Variants in KCNQ1OT1 observed in about 807,000 individuals in gnomAD.
KCNQ1OT1 encodes the protein KCNQ1 antisense RNA 2 (non-protein coding).
In KCNQ1OT1 at chr11:2,626,401, A is replaced by G; in HGVS notation, n.73594T>C. ...ACTTTCCCTATTGAATGGTCTTGGC[A>G]CTCTTCTCAGGAATCATTTGATCAT... On this transcript the variant is annotated non_coding_transcript_exon_variant, in exon 1 of 1. Coordinates refer to ENST00000597346, the Ensembl canonical transcript of KCNQ1OT1. This position sits in a 1 kb window ranked among gnomAD's most constrained non-coding sequence, Gnocchi z 4.0. The G allele has an allele frequency of 2.5e-6, 1 of 398,402 alleles. No homozygotes were observed. Among genetic ancestry groups the G allele is most frequent in the Non-Finnish European group, 4.4e-6 (1 of 226,036 alleles). 24.7% of individuals were successfully genotyped at this position (398,402 alleles called of 1,614,324 possible).
In KCNQ1OT1 at chr11:2,613,108, T is replaced by A; in HGVS notation, n.86887A>T. 2.5e-6 allele frequency: 1 copy of A among 398,640 alleles called. No individual in the cohort carries two copies. The highest frequency in any genetic ancestry group is 2.1e-5 in the African/African-American group (1 of 48,748). The allele number at this position is 398,640 out of a possible 1,614,324, so 24.7% of individuals were successfully genotyped here. A position where few individuals can be genotyped will look rare whatever the true frequency, so the allele number is the denominator to read the frequency against. On this transcript the variant is annotated non_coding_transcript_exon_variant, in exon 1 of 1. Transcript: ENST00000597346. The surrounding 1 kb of genome is among the most constrained non-coding windows in gnomAD (Gnocchi z 4.8). ...GATTAGTCAGACATTTGTTTAAACA[T>A]CTTGAGCCAGTGAATCTTCCACCCT... is the stretch of plus-strand genomic sequence containing the variant.
In KCNQ1OT1 at chr11:2,614,636, C is replaced by G. The variant is rs1589982369; in HGVS notation, n.85359G>C. Reference sequence around the variant, plus strand: ...CCCAGCACCATTTGTTAAAAGACTACTCTTCCCACTGAATTCTTGATACAT... The same window carrying G: ...CCCAGCACCATTTGTTAAAAGACTAGTCTTCCCACTGAATTCTTGATACAT... On this transcript the variant is annotated non_coding_transcript_exon_variant, in exon 1 of 1. Coordinates refer to ENST00000597346, the Ensembl canonical transcript of KCNQ1OT1. The G allele has an allele frequency of 1.8e-5, 7 of 398,466 alleles. No homozygotes were observed. The East Asian group carries it at 2.5e-4, about 14-fold the overall frequency. 24.7% of individuals were successfully genotyped at this position (398,466 alleles called of 1,614,324 possible). A position where few individuals can be genotyped will look rare whatever the true frequency, so the allele number is the denominator to read the frequency against.
Position 2,682,862 on chromosome 11 carries a change from G to A in KCNQ1OT1, n.17133C>T. 1 of 398,606 alleles carries A rather than the reference G, an allele frequency of 2.5e-6. No individual in the cohort carries two copies. The highest frequency in any genetic ancestry group is 4.4e-6 in the Non-Finnish European group (1 of 226,068). 24.7% of individuals were successfully genotyped at this position (398,606 alleles called of 1,614,324 possible). ...AGACCATCTCAGTTTTGTAGACCAG[G>A]AAACTGAGGCTTGGGGATAGCAGAT... On this transcript the variant is annotated non_coding_transcript_exon_variant, in exon 1 of 1. Transcript: ENST00000597346. The surrounding 1 kb of genome is among the most constrained non-coding windows in gnomAD (Gnocchi z 5.8).
In KCNQ1OT1 at chr11:2,677,770, C is replaced by T; in HGVS notation, n.22225G>A. ...TTCAGTGGATTTACTTTAAGAGATC[C>T]TCCCTTTCCCCCCATTTCCAGCAGG... is the stretch of plus-strand genomic sequence containing the variant. On this transcript the variant is annotated non_coding_transcript_exon_variant, in exon 1 of 1. Transcript: ENST00000597346. The surrounding 1 kb of genome is among the most constrained non-coding windows in gnomAD (Gnocchi z 4.5). 2.5e-6 allele frequency: 1 copy of T among 398,392 alleles called. No homozygotes were observed. The highest frequency in any genetic ancestry group is 3.6e-5 in the East Asian group (1 of 28,054). The allele number at this position is 398,392 out of a possible 1,614,324, so 24.7% of individuals were successfully genotyped here.
chr11:2,628,459 C>T (rs1341477400), exon 1 of KCNQ1OT1: 1 of 398,116 alleles, frequency 2.5e-6, no homozygotes, highest in Non-Finnish European at 4.4e-6. Flanking sequence ...CTATTCAGTC[C>T]CTTGTCCATC....
chr11:2,696,872 A>G, exon 1 of KCNQ1OT1: 1 of 398,516 alleles, frequency 2.5e-6, no homozygotes, highest in East Asian at 3.6e-5. Flanking sequence ...GGCATAAAGA[A>G]ATGTGGTTTG....
chr11:2,691,221 T>C lies in KCNQ1OT1; in HGVS notation n.8774A>G, dbSNP rs1850582538. The C allele has an allele frequency of 7.5e-6, 3 of 398,440 alleles. No individual in the cohort carries two copies. The highest frequency in any genetic ancestry group is 8.8e-5 in the Admixed American group (2 of 22,706). 24.7% of individuals were successfully genotyped at this position (398,440 alleles called of 1,614,324 possible). On this transcript the variant is annotated non_coding_transcript_exon_variant, in exon 1 of 1. Coordinates refer to ENST00000597346, the Ensembl canonical transcript of KCNQ1OT1. The surrounding 1 kb of genome is among the most constrained non-coding windows in gnomAD (Gnocchi z 6.4). ...TTTAAAAATTAGCAAGTGGAGGAGT[T>C]AGAGGATCTGCAGTTAACCCCTTGA...
At chr11:2,614,948 G>A in exon 1 of KCNQ1OT1, 1 of 398,428 alleles carries the variant, frequency 2.5e-6, no homozygotes, top group Middle Eastern at 6.3e-4. Context: ...TTGGGATTTT[G>A]ATAAGGGTTG....
chr11:2,615,060 T>G (rs1010831356), exon 1 of KCNQ1OT1: 2 of 398,236 alleles, frequency 5.0e-6, no homozygotes, highest in Non-Finnish European at 8.9e-6. Context: ...TAAGTCTTCT[T>G]TAATTTTTGT....
At chr11:2,655,078 C>G in exon 1 of KCNQ1OT1, 1 of 398,550 alleles carries the variant, frequency 2.5e-6, no homozygotes, top group Non-Finnish European at 4.4e-6. Context: ...TTTTCTGTGC[C>G]TGTATTTTTA....
chr11:2,662,501 G>A (rs752037834), exon 1 of KCNQ1OT1: 1 of 443,762 alleles, frequency 2.3e-6, no homozygotes, highest in East Asian at 3.3e-5. Flanking sequence ...CTGTCCTCAG[G>A]GGCTCCTTCA....
chr11:2,666,269 C>G, exon 1 of KCNQ1OT1: 1 of 398,676 alleles, frequency 2.5e-6, no homozygotes, highest in Non-Finnish European at 4.4e-6. Flanking sequence ...ACCCCCGAGG[C>G]TGGGCAGAGG....
At chr11:2,697,229 T>A (rs1329785697) in exon 1 of KCNQ1OT1, 1 of 398,494 alleles carries the variant, frequency 2.5e-6, no homozygotes. Context: ...ACAGATAGAA[T>A]CTCTATCAAG....
chr11:2,625,296 G>A (rs955031101), exon 1 of KCNQ1OT1: 3 of 398,408 alleles, frequency 7.5e-6, no homozygotes, highest in Admixed American at 4.4e-5. Flanking sequence ...TGTCACTTAG[G>A]CTGGAATGCA....
chr11:2,686,698 C>A, exon 1 of KCNQ1OT1: 1 of 398,628 alleles, frequency 2.5e-6, no homozygotes, highest in Non-Finnish European at 4.4e-6. Context: ...AACCCATGTT[C>A]AAGGCTGGGA....
chr11:2,655,414 T>C (rs1590010027), exon 1 of KCNQ1OT1: 1 of 398,632 alleles, frequency 2.5e-6, no homozygotes, highest in African/African-American at 2.1e-5. Flanking sequence ...GTGCTCTTTG[T>C]CCCCAGGGCC....
At position 2,688,890 on chromosome 11, in the gene KCNQ1OT1, G is replaced by A. The variant is rs1590033893; in HGVS notation, n.11105C>T. 5 of 399,072 alleles carry A rather than the reference G, an allele frequency of 1.3e-5. No homozygotes were observed. In the South Asian group the frequency reaches 6.4e-4, roughly 51 times the overall value. 24.7% of individuals were successfully genotyped at this position (399,072 alleles called of 1,614,324 possible). ...GTCATGCAGCAAGGTCAGGTTGGAA[G>A]CTGAGGTGGGGCTAGGGCCACCCCA... On this transcript the variant is annotated non_coding_transcript_exon_variant, in exon 1 of 1. Transcript: ENST00000597346.
In KCNQ1OT1 at chr11:2,662,022, C is replaced by T. The variant is rs17215465; in HGVS notation, n.37973G>A. On this transcript the variant is annotated non_coding_transcript_exon_variant, in exon 1 of 1. Coordinates refer to ENST00000597346, the Ensembl canonical transcript of KCNQ1OT1. ...CCCATTTCATGAGAACCAACAGCTT[C>T]GCCGAGGACCTGGACCTGGAAGGGG... 5,988 of 1,614,202 alleles carry T rather than the reference C, an allele frequency of 3.7e-3. 125 individuals are homozygous for T. The African/African-American group carries it at 0.049, about 13-fold the overall frequency.
exon 1 of KCNQ1OT1, chr11:2,628,934 G>A (rs1219600665): frequency 5.0e-6 from 2 of 398,010 alleles, no homozygotes; most frequent in East Asian, 3.6e-5. Flanking sequence ...TAAATGTGTG[G>A]GTTTATTTCT....
Sources: gnomAD v4.1 joint callset for allele counts on GRCh38, gnomAD v4.1.1 for gene constraint, Gnocchi (gnomAD v3.1) non-coding constraint, MANE v1.5 for transcripts, NCBI Gene and HGNC (gene_info 2026-07-23, HGNC 2026-07-21) for gene names.